The following KCNT2 variants were observed in gnomAD, a reference collection of about 807,000 sequenced individuals.
The protein encoded by KCNT2 is potassium channel subfamily T member 2.
A neutral mutation model predicts 153.8 loss-of-function variants in KCNT2; 67 were observed. The ratio of observed to expected loss-of-function variants is 0.44; its 90% CI spans 0.36 to 0.53. The LOEUF (loss-of-function observed/expected upper bound fraction) is 0.53, where lower values mean the gene tolerates loss of function less well. KCNT2 is among the 20% of genes least tolerant of loss of function. KCNT2 has a pLI of 0.00. For missense variants in KCNT2, 975 were observed against 1,354.8 expected, an observed-to-expected ratio of 0.72 and a Z score of 4.40; for synonymous variants, 500 against 458.8, an observed-to-expected ratio of 1.09 and a Z score of -1.15.
chr1:196,556,100 T>G (rs1043678698), intron 1 of KCNT2, among the ~76,000 whole-genome samples: 1 of 151,310 alleles, frequency 6.6e-6, no homozygotes, highest in African/African-American at 2.4e-5. Context: ...GGGCAAAAAT[T>G]TCTTGAGTAA....
At chr1:196,415,681 A>C (rs1672697251) in intron 12 of KCNT2, among the ~76,000 whole-genome samples, 2 of 151,862 alleles carry the variant, frequency 1.3e-5, no homozygotes. Flanking sequence ...GTCCCTGTAC[A>C]TCCAAACATA....
In KCNT2 at chr1:196,492,357, A is replaced by G; in HGVS notation, c.96-16T>C. The G allele has an allele frequency of 4.4e-6, 6 of 1,350,284 alleles. No homozygotes were observed. The highest frequency in any genetic ancestry group is 5.9e-6 in the Non-Finnish European group (6 of 1,017,138). 83.6% of individuals were successfully genotyped at this position (1,350,284 alleles called of 1,614,324 possible). On this transcript the variant is annotated splice_polypyrimidine_tract_variant and intron_variant, in intron 1 of 27. Coordinates refer to ENST00000294725, the MANE Select transcript of KCNT2 (RefSeq NM_198503.5). ...AACTTGTACCCTGCAAACAGAAAAT[A>G]AAAACATGTAAATGTATGCAAGCAA...
chr1:196,524,615 G>A (rs1403522491), intron 1 of KCNT2, among the ~76,000 whole-genome samples: 1 of 152,042 alleles, frequency 6.6e-6, no homozygotes, highest in Admixed American at 6.6e-5. Flanking sequence ...ATAATACGAT[G>A]TAAAACAGTG....
intron 13 of KCNT2, among the ~76,000 whole-genome samples, chr1:196,388,503 A>T (rs1021646798): frequency 3.3e-5 from 5 of 151,654 alleles, no homozygotes; most frequent in Non-Finnish European, 7.4e-5. Context: ...AACATGTTAA[A>T]ATATTGAATC....
chr1:196,406,158 G>A (rs915607753), intron 12 of KCNT2, among the ~76,000 whole-genome samples: 1 of 151,264 alleles, frequency 6.6e-6, no homozygotes, highest in Non-Finnish European at 1.5e-5. Context: ...AAAAGTATAA[G>A]GTTAGATTAC....
chr1:196,468,423 C>A (rs937283741), intron 6 of KCNT2, among the ~76,000 whole-genome samples: 1 of 151,940 alleles, frequency 6.6e-6, no homozygotes, highest in Non-Finnish European at 1.5e-5. Flanking sequence ...TATTAAATTG[C>A]GATTAAAATA....
At chr1:196,314,593 C>T (rs952436242) in intron 21 of KCNT2, among the ~76,000 whole-genome samples, 2 of 150,910 alleles carry the variant, frequency 1.3e-5, no homozygotes, top group Non-Finnish European at 3.0e-5. Flanking sequence ...TTTCCAGGTG[C>T]TATGACAGAT....
intron 8 of KCNT2, among the ~76,000 whole-genome samples, chr1:196,438,556 T>A (rs867253723): frequency 6.6e-6 from 1 of 151,924 alleles, no homozygotes; most frequent in Admixed American, 6.6e-5. Context: ...AATAGTCATG[T>A]TGAGATTAGT....
intron 1 of KCNT2, among the ~76,000 whole-genome samples, chr1:196,526,432 A>T (rs189566699): frequency 1.3e-5 from 2 of 151,522 alleles, no homozygotes; most frequent in Admixed American, 1.3e-4. Context: ...TCTGAGTCTT[A>T]GAACCTTACC....
At chr1:196,414,865 G>A (rs986612225) in intron 12 of KCNT2, among the ~76,000 whole-genome samples, 10 of 151,832 alleles carry the variant, frequency 6.6e-5, no homozygotes, top group African/African-American at 2.4e-4. Context: ...AACATACCAT[G>A]ATTCCAGGTC....
At chr1:196,359,512 T>A (rs575521595) in intron 14 of KCNT2, among the ~76,000 whole-genome samples, 53 of 152,164 alleles carry the variant, frequency 3.5e-4, no homozygotes, top group African/African-American at 1.2e-3. Flanking sequence ...CTTTAGTGCA[T>A]CTTATTTCAT....
intron 12 of KCNT2, among the ~76,000 whole-genome samples, chr1:196,403,483 A>G (rs1041268813): frequency 6.6e-6 from 1 of 151,708 alleles, no homozygotes; most frequent in African/African-American, 2.4e-5. Flanking sequence ...TGGTGAATGC[A>G]TGTCATATTA....
intron 12 of KCNT2, among the ~76,000 whole-genome samples, chr1:196,402,597 G>C (rs762400542): frequency 1.8e-4 from 28 of 151,456 alleles, no homozygotes; most frequent in Non-Finnish European, 3.5e-4. Context: ...AAAAATGTGG[G>C]AAAGGAAAAA....
intron 1 of KCNT2, among the ~76,000 whole-genome samples, chr1:196,520,554 A>T (rs1333318288): frequency 1.3e-5 from 2 of 151,796 alleles, no homozygotes; most frequent in African/African-American, 2.4e-5. Context: ...TATCTAAAAA[A>T]CTCCACAGTC....
chr1:196,536,888 C>G (rs1397350374), intron 1 of KCNT2, among the ~76,000 whole-genome samples: 1 of 152,204 alleles, frequency 6.6e-6, no homozygotes, highest in Admixed American at 6.5e-5. Flanking sequence ...TGTAGCCCAT[C>G]CTGCCACACT....
chr1:196,550,494 A>C (rs777843197), intron 1 of KCNT2, among the ~76,000 whole-genome samples: 23 of 152,060 alleles, frequency 1.5e-4, no homozygotes, highest in Non-Finnish European at 2.2e-4. Flanking sequence ...TGCTATTATA[A>C]TAAATGATTA....
intron 13 of KCNT2, among the ~76,000 whole-genome samples, chr1:196,386,806 A>G (rs1670029080): frequency 6.6e-6 from 1 of 152,246 alleles, no homozygotes; most frequent in South Asian, 2.1e-4. Flanking sequence ...TTGATTATAC[A>G]GCATAGCTTG....
At chr1:196,588,122 G>A (rs1662909277) in intron 1 of KCNT2, among the ~76,000 whole-genome samples, 1 of 151,884 alleles carries the variant, frequency 6.6e-6, no homozygotes, top group Non-Finnish European at 1.5e-5. Flanking sequence ...AAGACGGAGT[G>A]GCTTTTGAAT....
intron 3 of KCNT2, among the ~76,000 whole-genome samples, chr1:196,489,098 G>A (rs1221244649): frequency 2.6e-5 from 4 of 151,904 alleles, no homozygotes; most frequent in Admixed American, 1.3e-4. Flanking sequence ...CCCAGAAGAG[G>A]GAGAAGAATG....
Sources: allele counts gnomAD v4.1 joint callset (sites outside exome capture counted in the v4.1 genomes callset), GRCh38; gene constraint gnomAD v4.1.1; transcripts MANE v1.5; gene names NCBI Gene and HGNC (gene_info 2026-07-23, HGNC 2026-07-21).